SSBP3: variants seen among roughly 807,000 people sequenced by gnomAD.
SSBP3 encodes the protein single-stranded DNA-binding protein 3.
In SSBP3, 5 loss-of-function variants were observed where a neutral mutation model predicts 69.6. The ratio of observed to expected loss-of-function variants is 0.07; its 90% CI spans 0.04 to 0.15. SSBP3 has a LOEUF of 0.15. Ranked by LOEUF, SSBP3 falls within the 10% of genes least tolerant of loss-of-function variation. SSBP3 has a pLI of 1.00. For missense variants in SSBP3, 312 were observed against 534.0 expected, an observed-to-expected ratio of 0.58 and a Z score of 4.10; for synonymous variants, 196 against 193.4, an observed-to-expected ratio of 1.01 and a Z score of -0.11.
chr1:54,393,618 C>T (rs1034802714), intron 4 of SSBP3, among the ~76,000 whole-genome samples: 1 of 152,192 alleles, frequency 6.6e-6, no homozygotes, highest in South Asian at 2.1e-4. Context: ...AGCAAGACCA[C>T]GTCTCTACAA....
chr1:54,377,569 T>C (rs1456557938), intron 4 of SSBP3, among the ~76,000 whole-genome samples: 1 of 152,210 alleles, frequency 6.6e-6, no homozygotes, highest in Non-Finnish European at 1.5e-5. Context: ...CCCAGCATCA[T>C]AGCAGGGATC....
intron 5 of SSBP3, among the ~76,000 whole-genome samples, chr1:54,278,149 C>CA (rs924464759): frequency 6.6e-6 from 1 of 152,148 alleles, no homozygotes; most frequent in African/African-American, 2.4e-5. Context: ...ACCAGAACAC[C>CA]ACTCCTGAAC....
chr1:54,371,201 C>T (rs986209740), intron 4 of SSBP3, among the ~76,000 whole-genome samples: 2 of 152,240 alleles, frequency 1.3e-5, no homozygotes, highest in East Asian at 3.8e-4. Flanking sequence ...AAACACTATT[C>T]TCAGATAGGA....
intron 4 of SSBP3, among the ~76,000 whole-genome samples, chr1:54,307,931 A>T (rs1267925380): frequency 6.6e-6 from 1 of 152,112 alleles, no homozygotes; most frequent in East Asian, 1.9e-4. Flanking sequence ...CTATAGAGTA[A>T]CCATTCTTTT....
chr1:54,390,717 C>G (rs151250639), intron 4 of SSBP3, among the ~76,000 whole-genome samples: 2 of 152,362 alleles, frequency 1.3e-5, no homozygotes, highest in African/African-American at 4.8e-5. Flanking sequence ...GCTGTAAAAT[C>G]CCCTTTTGAA....
intron 13 of SSBP3, among the ~76,000 whole-genome samples, chr1:54,240,701 C>T (rs1250166561): frequency 2.0e-5 from 3 of 152,130 alleles, no homozygotes; most frequent in Admixed American, 2.0e-4. Context: ...CTGCTCAGCC[C>T]TGTCCTTTAT....
At chr1:54,312,084 G>A (rs1646013515) in intron 4 of SSBP3, among the ~76,000 whole-genome samples, 1 of 152,216 alleles carries the variant, frequency 6.6e-6, no homozygotes, top group South Asian at 2.1e-4. Context: ...GGGGCAAGTG[G>A]CCAAAGAGGG....
intron 5 of SSBP3, among the ~76,000 whole-genome samples, chr1:54,264,842 T>C (rs1645074373): frequency 6.6e-6 from 1 of 152,182 alleles, no homozygotes; most frequent in African/African-American, 2.4e-5. Flanking sequence ...CACATCCTCG[T>C]CCCTCCTGAC....
At chr1:54,239,221 C>T in intron 13 of SSBP3, 22 bp from the exon 14 acceptor site, 1 of 1,582,402 alleles carries the variant, frequency 6.3e-7, no homozygotes, top group South Asian at 1.2e-5. Flanking sequence ...TGGAAACCCA[C>T]AAGTCGGGGT....
At chr1:54,348,523 C>T (rs1646728235) in intron 4 of SSBP3, among the ~76,000 whole-genome samples, 1 of 152,216 alleles carries the variant, frequency 6.6e-6, no homozygotes, top group Non-Finnish European at 1.5e-5. Context: ...GCACTTCAAG[C>T]TCCCACAGTG....
exon 18 of SSBP3, chr1:54,226,513 A>G (rs766574519): frequency 6.5e-6 from 1 of 152,906 alleles, no homozygotes; most frequent in African/African-American, 2.4e-5. Flanking sequence ...TTTGAAAGAA[A>G]CCAACGATTG....
intron 4 of SSBP3, among the ~76,000 whole-genome samples, chr1:54,365,913 G>A (rs1647022668): frequency 6.6e-6 from 1 of 152,122 alleles, no homozygotes; most frequent in Non-Finnish European, 1.5e-5. Context: ...ATAAACTTGG[G>A]CAGGTTCCTT....
At chr1:54,279,787 G>A (rs1645357926) in intron 5 of SSBP3, among the ~76,000 whole-genome samples, 1 of 152,230 alleles carries the variant, frequency 6.6e-6, no homozygotes, top group Admixed American at 6.5e-5. Context: ...TCACACGCTG[G>A]CCTCTTGGAT....
intron 14 of SSBP3, among the ~76,000 whole-genome samples, chr1:54,229,103 T>C (rs1434315803): frequency 6.6e-6 from 1 of 152,194 alleles, no homozygotes; most frequent in African/African-American, 2.4e-5. Flanking sequence ...CCTCTGAAAC[T>C]GAGCCTCTCG....
chr1:54,327,421 T>C (rs1557534885), intron 4 of SSBP3, among the ~76,000 whole-genome samples: 2 of 152,162 alleles, frequency 1.3e-5, no homozygotes, highest in Non-Finnish European at 2.9e-5. Flanking sequence ...ATCTGTCCAC[T>C]TCCCCCTCTG....
At chr1:54,374,490 G>A (rs978051175) in intron 4 of SSBP3, among the ~76,000 whole-genome samples, 1 of 152,178 alleles carries the variant, frequency 6.6e-6, no homozygotes, top group African/African-American at 2.4e-5. Flanking sequence ...GCCTTTCCAG[G>A]AGAACTGACA....
intron 5 of SSBP3, among the ~76,000 whole-genome samples, chr1:54,264,255 TCATGC>T (rs1192753625): frequency 6.6e-6 from 1 of 152,144 alleles, no homozygotes; most frequent in Non-Finnish European, 1.5e-5. Flanking sequence ...TCAGCTGTGA[TCATGC>T]CACTGCACTC....
exon 18 of SSBP3, chr1:54,225,600 T>C: frequency 2.2e-6 from 1 of 452,190 alleles, no homozygotes; most frequent in Non-Finnish European, 3.6e-6. Context: ...CAAAGTCTTT[T>C]TTCAGGCAGA....
chr1:54,356,140 C>T (rs1021693318), intron 4 of SSBP3, among the ~76,000 whole-genome samples: 12 of 152,170 alleles, frequency 7.9e-5, no homozygotes, highest in Non-Finnish European at 1.6e-4. Flanking sequence ...TTGCAAGTGC[C>T]GGCTGAACTT....
Sources: gnomAD v4.1 joint callset for allele counts (sites outside exome capture counted in the v4.1 genomes callset) on GRCh38, gnomAD v4.1.1 for gene constraint, MANE v1.5 for transcripts, NCBI Gene and HGNC (gene_info 2026-07-23, HGNC 2026-07-21) for gene names.